Variants in GRIK3 observed in about 807,000 individuals in gnomAD.
GRIK3 encodes the protein glutamate ionotropic receptor kainate type subunit 3.
GRIK3 carries 29 observed loss-of-function variants against 102.5 expected under a neutral mutation model. That is an observed-to-expected ratio of 0.28 (90% CI 0.21 to 0.39). The LOEUF (loss-of-function observed/expected upper bound fraction) is 0.39, where lower values mean the gene tolerates loss of function less well. Among genes scored for constraint, GRIK3 ranks in the 10% least tolerant of loss-of-function variants. The pLI is 1.00. For synonymous variants in GRIK3, 511 were observed against 504.9 expected, an observed-to-expected ratio of 1.01 and a Z score of -0.16; for missense variants, 908 against 1,252.4, an observed-to-expected ratio of 0.73 and a Z score of 4.15.
chr1:36,952,128 C>T (rs1191723871), intron 1 of GRIK3, among the ~76,000 whole-genome samples: 1 of 152,186 alleles, frequency 6.6e-6, no homozygotes, highest in Non-Finnish European at 1.5e-5. Flanking sequence ...GGAACACAGG[C>T]CTCCTGATTC....
At chr1:36,916,580 T>G (rs1487657756) in intron 1 of GRIK3, among the ~76,000 whole-genome samples, 1 of 152,172 alleles carries the variant, frequency 6.6e-6, no homozygotes, top group Non-Finnish European at 1.5e-5. Context: ...AGGGACTTGG[T>G]GCCCTGTGTC....
At chr1:36,954,411 G>A (rs1468087601) in intron 1 of GRIK3, among the ~76,000 whole-genome samples, 1 of 152,226 alleles carries the variant, frequency 6.6e-6, no homozygotes, top group East Asian at 1.9e-4. Context: ...ATGCCAATCA[G>A]AGCAGCCAGA....
At chr1:36,842,118 GGGCCTCATGAATGGCTACCT>G (rs1396749953) in intron 9 of GRIK3, among the ~76,000 whole-genome samples, 179 bp from the exon 10 acceptor site, 2 of 152,156 alleles carry the variant, frequency 1.3e-5, no homozygotes, top group African/African-American at 4.8e-5. Flanking sequence ...AGCCAGCTGG[GGGCCTCATGAATGGCTACCT>G]GGTACAGGGC....
At chr1:36,824,880 T>A (rs983877585) in intron 11 of GRIK3, among the ~76,000 whole-genome samples, 1 of 152,130 alleles carries the variant, frequency 6.6e-6, no homozygotes, top group Non-Finnish European at 1.5e-5. Flanking sequence ...TGGCAAGTGG[T>A]GAGACTTTCT....
chr1:36,887,754 C>T (rs560620131), intron 2 of GRIK3, among the ~76,000 whole-genome samples: 1 of 35,044 alleles, frequency 2.9e-5, no homozygotes, highest in South Asian at 1.0e-3. Context: ...GAAATTCCAT[C>T]TCAAAAAAAA....
chr1:36,928,029 G>C (rs998476559), intron 1 of GRIK3, among the ~76,000 whole-genome samples: 1 of 152,188 alleles, frequency 6.6e-6, no homozygotes, highest in African/African-American at 2.4e-5. Context: ...GTGACCACTT[G>C]TCCTGCTCAA....
At chr1:36,871,243 G>A (rs1640839521) in intron 4 of GRIK3, among the ~76,000 whole-genome samples, 1 of 152,222 alleles carries the variant, frequency 6.6e-6, no homozygotes, top group Non-Finnish European at 1.5e-5. Context: ...TAAGTGCGGT[G>A]TAAAGGAGCT....
At chr1:36,953,965 T>A (rs1033631955) in intron 1 of GRIK3, among the ~76,000 whole-genome samples, 1 of 152,196 alleles carries the variant, frequency 6.6e-6, no homozygotes, top group Admixed American at 6.5e-5. Flanking sequence ...CCAAGGGTAC[T>A]GCCCCTGCAG....
At chr1:36,827,510 C>T (rs954488546) in intron 10 of GRIK3, among the ~76,000 whole-genome samples, 2 of 152,162 alleles carry the variant, frequency 1.3e-5, no homozygotes, top group South Asian at 2.1e-4. Context: ...TGGTCCAACT[C>T]CATTCATCCA....
chr1:36,817,793 C>T (rs1305820668), intron 12 of GRIK3, among the ~76,000 whole-genome samples: 3 of 152,328 alleles, frequency 2.0e-5, no homozygotes, highest in African/African-American at 4.8e-5. Context: ...AATTGTCCTT[C>T]CTCTGTCCCA....
intron 1 of GRIK3, among the ~76,000 whole-genome samples, chr1:37,007,102 G>A (rs942128917): frequency 2.0e-5 from 3 of 152,216 alleles, no homozygotes; most frequent in Admixed American, 1.3e-4. Context: ...CTCCTAGGGG[G>A]CACAGCTAGC....
intron 1 of GRIK3, among the ~76,000 whole-genome samples, chr1:36,913,461 T>C (rs1641368359): frequency 6.6e-6 from 1 of 152,238 alleles, no homozygotes; most frequent in Non-Finnish European, 1.5e-5. Flanking sequence ...TATCAATTGC[T>C]ATGCAGGTTA....
intron 1 of GRIK3, among the ~76,000 whole-genome samples, chr1:36,982,270 G>A (rs1642257784): frequency 6.6e-6 from 1 of 152,178 alleles, no homozygotes; most frequent in South Asian, 2.1e-4. Flanking sequence ...GCCCCGGGCT[G>A]GCAGCCAAAG....
chr1:36,985,455 TTCA>T (rs145963140), intron 1 of GRIK3, among the ~76,000 whole-genome samples: 5,153 of 152,238 alleles, frequency 0.034, 285 homozygotes, highest in African/African-American at 0.12. Flanking sequence ...CAGCATGATC[TTCA>T]TGGAGCTTTC....
intron 1 of GRIK3, among the ~76,000 whole-genome samples, chr1:36,910,915 C>T (rs1641337506): frequency 6.6e-6 from 1 of 152,166 alleles, no homozygotes; most frequent in Non-Finnish European, 1.5e-5. Context: ...ACTCAAAACG[C>T]TGTCAAGGTG....
chr1:37,028,538 C>T (rs775569141), intron 1 of GRIK3, among the ~76,000 whole-genome samples: 3 of 152,178 alleles, frequency 2.0e-5, no homozygotes, highest in Non-Finnish European at 4.4e-5. Context: ...ACACTGAAAA[C>T]TAGTGCTAGT....
At chr1:36,862,507 T>C (rs554313847) in intron 5 of GRIK3, among the ~76,000 whole-genome samples, 5 of 152,244 alleles carry the variant, frequency 3.3e-5, no homozygotes, top group Admixed American at 2.0e-4. Context: ...GAGCCTGGAG[T>C]CTGTGTTTTG....
In GRIK3 at chr1:36,984,692, C is replaced by T. The variant is rs543237705; in HGVS notation, c.115+49302G>A. Among the ~76,000 whole-genome samples, 11 of 152,326 alleles carry T rather than the reference C, an allele frequency of 7.2e-5. 1 individual carries two copies. Among genetic ancestry groups the T allele is most frequent in the East Asian group, 5.8e-4 (3 of 5,180 alleles). Reference sequence around the variant, plus strand: ...AAGAAAGAAGGTGGTAAATTCCTGTCGGAAACTGTCCCAATCCCCTTTTTC... The same window carrying T: ...AAGAAAGAAGGTGGTAAATTCCTGTTGGAAACTGTCCCAATCCCCTTTTTC... On this transcript the variant is annotated intron_variant, in intron 1 of 15. Coordinates refer to ENST00000373091, the MANE Select transcript of GRIK3 (RefSeq NM_000831.4).
chr1:36,863,200 G>C (rs544372441), intron 5 of GRIK3, among the ~76,000 whole-genome samples: 21 of 152,022 alleles, frequency 1.4e-4, no homozygotes, highest in Non-Finnish European at 2.9e-4. Context: ...TCAACACCAG[G>C]CTACCCAGCT....
Sources: allele counts gnomAD v4.1 joint callset (sites outside exome capture counted in the v4.1 genomes callset), GRCh38; gene constraint gnomAD v4.1.1; transcripts MANE v1.5; gene names NCBI Gene and HGNC (gene_info 2026-07-23, HGNC 2026-07-21).